TNPO2: variants seen among roughly 807,000 people sequenced by gnomAD.
TNPO2 encodes the protein transportin 2, also known as transportin-2.
Under a neutral mutation model 111.1 loss-of-function variants are expected in TNPO2, and 16 were observed. That is an observed-to-expected ratio of 0.14 (90% confidence interval 0.10 to 0.22). The LOEUF (loss-of-function observed/expected upper bound fraction) is 0.22, where lower values mean the gene tolerates loss of function less well. TNPO2 is among the 10% of genes least tolerant of loss of function. TNPO2 has a pLI of 1.00. For missense variants in TNPO2, 530 were observed against 1,173.7 expected (o/e 0.45, Z 8.01); for synonymous variants, 481 against 475.8 (o/e 1.01, Z -0.14).
In TNPO2 at chr19:12,702,108, T is replaced by C; in HGVS notation, c.2375A>G (p.Glu792Gly). 1 of 1,613,486 alleles carries C rather than the reference T, an allele frequency of 6.2e-7. No homozygotes were observed. The highest frequency in any genetic ancestry group is 8.5e-7 in the Non-Finnish European group (1 of 1,179,812). ...IGRLGYVCPQ[E>G]VAPMLQQFIR... ...GAACTGCTGCAGCATGGGTGCCACCTCCTGGGGGCACACGTAGCCCAAGCG... is the reference window on the plus strand; with the variant it reads ...GAACTGCTGCAGCATGGGTGCCACCCCCTGGGGGCACACGTAGCCCAAGCG... The change falls in exon 22 of 26, where the codon GAG becomes GGG. Residue 792 changes from glutamate (E) to glycine (G), a missense_variant. Around this residue, in one of 4 missense-constraint regions of TNPO2, gnomAD observed 103 missense variants for 156.7 expected, o/e 0.66. Transcript: ENST00000425528. This position sits in a 1 kb window ranked among gnomAD's most constrained non-coding sequence, Gnocchi z 5.5.
At position 12,706,499 on chromosome 19, in the gene TNPO2, A is replaced by C; in HGVS notation, c.1496+71T>G. Reference sequence around the variant, plus strand: ...ATAAATCAGTTCCACATCAACAGTCACAGGTGTCATCACTTCCCAGAGGGT... The same window carrying C: ...ATAAATCAGTTCCACATCAACAGTCCCAGGTGTCATCACTTCCCAGAGGGT... On this transcript the variant is annotated intron_variant, in intron 14 of 25. Coordinates refer to ENST00000425528, the MANE Select transcript of TNPO2 (RefSeq NM_001382241.1). The surrounding 1 kb of genome is among the most constrained non-coding windows in gnomAD (Gnocchi z 7.0). 1 of 1,579,446 alleles carries C rather than the reference A, an allele frequency of 6.3e-7. No individual in the cohort carries two copies. Among genetic ancestry groups the C allele is most frequent in the Non-Finnish European group, 8.7e-7 (1 of 1,149,314 alleles).
rs200998866 is a variant in TNPO2 at position 12,715,771 on chromosome 19, G to A, written c.326-32C>T. ...CGGCCGGGAAAGGACGCTGCCTGAG[G>A]CTGGGCAGGGGCTGCCTAGCACCTC... is the stretch of plus-strand genomic sequence containing the variant. On this transcript the variant is annotated intron_variant, in intron 5 of 25. Coordinates refer to ENST00000425528, the MANE Select transcript of TNPO2 (RefSeq NM_001382241.1). The surrounding 1 kb of genome is among the most constrained non-coding windows in gnomAD (Gnocchi z 7.1). 2 of 1,563,058 alleles carry A rather than the reference G, an allele frequency of 1.3e-6. No homozygotes were observed. Among genetic ancestry groups the A allele is most frequent in the Admixed American group, 3.7e-5 (2 of 54,064 alleles).
At position 12,702,306 on chromosome 19, in the gene TNPO2, G is replaced by A; in HGVS notation, c.2306-129C>T. 1 of 744,936 alleles carries A rather than the reference G, an allele frequency of 1.3e-6. No homozygotes were observed. The highest frequency in any genetic ancestry group is 2.2e-5 in the Admixed American group (1 of 46,422). The allele number at this position is 744,936 out of a possible 1,614,324, so 46.1% of individuals were successfully genotyped here. ...TGGTCCCCCAAGCTTGGCCCAGCCA[G>A]GGGTCCTCCTCATCACACCTGAGTC... On this transcript the variant is annotated intron_variant, in intron 21 of 25. Transcript: ENST00000425528. This position sits in a 1 kb window ranked among gnomAD's most constrained non-coding sequence, Gnocchi z 5.5.
intron 10 of TNPO2, among the ~76,000 whole-genome samples, chr19:12,712,352 G>C (rs8106490): frequency 0.27 from 40,849 of 152,078 alleles, 6,574 homozygotes; most frequent in Middle Eastern, 0.39. Context: ...CCCTTTCCCC[G>C]GGGGAGTTTA....
intron 10 of TNPO2, among the ~76,000 whole-genome samples, chr19:12,712,269 A>G (rs1207364149): frequency 1.3e-5 from 2 of 152,216 alleles, no homozygotes; most frequent in Admixed American, 6.5e-5. Context: ...CAGGCGGATC[A>G]TGGTCCAGCG....
chr19:12,714,163 C>CA (rs1178619385), intron 10 of TNPO2, among the ~76,000 whole-genome samples: 4 of 152,252 alleles, frequency 2.6e-5, no homozygotes, highest in African/African-American at 9.6e-5. Flanking sequence ...TGGAAGGGCA[C>CA]AGAAGGCTAC....
chr19:12,705,741 G>A lies in TNPO2; in HGVS notation c.1696C>T (p.Leu566=). ...TTGAGCTCATTCCACTTCTGGATCAGTGGGGGCATCAGCTTCTGGATGTAT... is the reference window on the plus strand; with the variant it reads ...TTGAGCTCATTCCACTTCTGGATCAATGGGGGCATCAGCTTCTGGATGTAT... The part of the protein sequence containing the change: ...PEYIQKLMPP[L]IQKWNELKDE... Residue 566 remains leucine, a synonymous_variant, in exon 16 of 26, where the codon CTG becomes TTG. Coordinates refer to ENST00000425528, the MANE Select transcript of TNPO2 (RefSeq NM_001382241.1). The surrounding 1 kb of genome is among the most constrained non-coding windows in gnomAD (Gnocchi z 7.2). 1 of 1,473,520 alleles carries A rather than the reference G, an allele frequency of 6.8e-7. No individual in the cohort carries two copies. Among genetic ancestry groups the A allele is most frequent in the Non-Finnish European group, 9.0e-7 (1 of 1,108,210 alleles). The allele number at this position is 1,473,520 out of a possible 1,614,324, so 91.3% of individuals were successfully genotyped here.
intron 18 of TNPO2, among the ~76,000 whole-genome samples, chr19:12,704,360 C>T (rs1304837812): frequency 6.6e-6 from 1 of 151,460 alleles, no homozygotes; most frequent in Non-Finnish European, 1.5e-5. Context: ...CAGAGTGAGA[C>T]TCTGTCTCAA....
chr19:12,720,701 C>T (rs2026635308), intron 3 of TNPO2, among the ~76,000 whole-genome samples, 178 bp downstream of exon 3: 1 of 152,092 alleles, frequency 6.6e-6, no homozygotes, highest in Admixed American at 6.6e-5. Context: ...TATAACAATC[C>T]CCGCAGCTCT....
At chr19:12,717,507 G>T (rs2026429229) in intron 5 of TNPO2, among the ~76,000 whole-genome samples, 1 of 151,266 alleles carries the variant, frequency 6.6e-6, no homozygotes, top group South Asian at 2.1e-4. Context: ...CCTGACCTCA[G>T]GTGATCCACC....
At chr19:12,710,917 G>T (rs901202182) in intron 12 of TNPO2, 144 bp from the exon 13 acceptor site, 3 of 970,526 alleles carry the variant, frequency 3.1e-6, no homozygotes, top group East Asian at 2.9e-5. Flanking sequence ...TTTTTGAGAC[G>T]GAGTCTCACT....
At chr19:12,720,811 T>C (rs1193032456) in intron 3 of TNPO2, 68 bp downstream of exon 3, 14 of 1,515,862 alleles carry the variant, frequency 9.2e-6, no homozygotes, top group Non-Finnish European at 1.2e-5. Flanking sequence ...CCTCTCTTTC[T>C]CTCTCTGGCC....
At chr19:12,714,631 C>A (rs945293033) in intron 10 of TNPO2, among the ~76,000 whole-genome samples, 190 bp downstream of exon 10, 10 of 152,114 alleles carry the variant, frequency 6.6e-5, no homozygotes, top group African/African-American at 2.4e-4. Flanking sequence ...TCATTTCTTT[C>A]CACCTATCAG....
At position 12,700,714 on chromosome 19, in the gene TNPO2, C is replaced by T. The variant is rs2025241192; in HGVS notation, c.*550G>A. On this transcript the variant is annotated 3_prime_UTR_variant, in exon 26 of 26. Transcript: ENST00000425528. ...CAAAACAGCAGAAGCTTCTTAAACTCTAGATGCAGGTTACACGGAAGGCCT... is the reference window on the plus strand; with the variant it reads ...CAAAACAGCAGAAGCTTCTTAAACTTTAGATGCAGGTTACACGGAAGGCCT... The T allele has an allele frequency of 7.1e-6, 1 of 140,562 alleles. No homozygotes were observed. The allele number at this position is 140,562 out of a possible 1,614,324, so 8.7% of individuals were successfully genotyped here.
chr19:12,709,038 T>TA (rs1248741783), intron 13 of TNPO2, among the ~76,000 whole-genome samples: 1 of 126,220 alleles, frequency 7.9e-6, no homozygotes, highest in Non-Finnish European at 1.7e-5. Flanking sequence ...AGACTCCATC[T>TA]CAAAAAAAAA....
chr19:12,703,861 A>C, intron 18 of TNPO2, 60 bp from the exon 19 acceptor site: 2 of 1,422,048 alleles, frequency 1.4e-6, no homozygotes, highest in Non-Finnish European at 1.9e-6. Flanking sequence ...AGGACAGCTC[A>C]GGGGGCACAG....
rs1157537757 is a variant in TNPO2 at position 12,705,198 on chromosome 19, G to C, written c.2022+42C>G. On this transcript the variant is annotated intron_variant, in intron 18 of 25. Coordinates refer to ENST00000425528, the MANE Select transcript of TNPO2 (RefSeq NM_001382241.1). The surrounding 1 kb of genome is among the most constrained non-coding windows in gnomAD (Gnocchi z 7.2). Reference sequence around the variant, plus strand: ...TGACTCCCCACCAGGGGCAGCCCACGCAGGCTGCTGGGTGTCATCACTGTC... The same window carrying C: ...TGACTCCCCACCAGGGGCAGCCCACCCAGGCTGCTGGGTGTCATCACTGTC... 2 of 1,568,206 alleles carry C rather than the reference G, an allele frequency of 1.3e-6. No homozygotes were observed. The highest frequency in any genetic ancestry group is 1.7e-6 in the Non-Finnish European group (2 of 1,155,474).
Position 12,702,429 on chromosome 19 carries a change from C to G in TNPO2, c.2306-252G>C. 6.2e-6 allele frequency: 4 copies of G among 640,016 alleles called. No homozygotes were observed. In the East Asian group the frequency reaches 1.2e-4, roughly 20 times the overall value. 39.6% of individuals were successfully genotyped at this position (640,016 alleles called of 1,614,324 possible). On this transcript the variant is annotated intron_variant, in intron 21 of 25. Coordinates refer to ENST00000425528, the MANE Select transcript of TNPO2 (RefSeq NM_001382241.1). The surrounding 1 kb of genome is among the most constrained non-coding windows in gnomAD (Gnocchi z 5.5). The stretch of plus-strand genomic sequence containing the variant: ...TTTGTTTTTGAGATGGAGTCTTGCT[C>G]TGTTGCCCAGGCTGGAGTGCAGTGG...
At chr19:12,709,494 A>G (rs925436389) in intron 13 of TNPO2, among the ~76,000 whole-genome samples, 8 of 151,480 alleles carry the variant, frequency 5.3e-5, no homozygotes, top group African/African-American at 1.9e-4. Flanking sequence ...TCTTTAGACA[A>G]TTTTTTTTTG....
Sources: allele counts gnomAD v4.1 joint callset (sites outside exome capture counted in the v4.1 genomes callset), GRCh38; gene constraint gnomAD v4.1.1; regional missense constraint gnomAD v4.1.1; non-coding constraint Gnocchi (gnomAD v3.1); transcripts MANE v1.5; gene names NCBI Gene and HGNC (gene_info 2026-07-23, HGNC 2026-07-21).